The following VPS26C variants were observed in gnomAD, a reference collection of about 807,000 sequenced individuals.
The protein encoded by VPS26C is VPS26 endosomal protein sorting factor C.
In VPS26C, 19 loss-of-function variants were observed where a neutral mutation model predicts 30.6. The ratio of observed to expected loss-of-function variants is 0.62; its 90% CI spans 0.43 to 0.91. The LOEUF is 0.91. Ranked by LOEUF, VPS26C falls within the 40% of genes least tolerant of loss-of-function variation. The pLI is 0.00. For missense variants in VPS26C, 318 were observed against 385.1 expected (o/e 0.83, Z 1.46); for synonymous variants, 132 against 151.5 (o/e 0.87, Z 0.95).
intron 7 of VPS26C, 68 bp downstream of exon 7, chr21:37,227,586 C>T: frequency 6.4e-7 from 1 of 1,571,428 alleles, no homozygotes; most frequent in Non-Finnish European, 8.7e-7. Context: ...CTGTGACCCA[C>T]AGCAGGCCCT....
At chr21:37,235,724 C>T (rs1010603722) in intron 3 of VPS26C, among the ~76,000 whole-genome samples, 2 of 151,434 alleles carry the variant, frequency 1.3e-5, no homozygotes, top group South Asian at 2.1e-4. Flanking sequence ...CAAACATGAA[C>T]GCAACATGAC....
intron 1 of VPS26C, chr21:37,261,329 T>G (rs1464688335): frequency 6.6e-6 from 1 of 152,228 alleles, no homozygotes. Context: ...TTTAAGGTAT[T>G]GCTCAAGAAA....
At position 37,257,917 on chromosome 21, in the gene VPS26C, G is replaced by T. The variant is rs1049736354; in HGVS notation, c.57+9321C>A. Among the ~76,000 whole-genome samples, 26 of 152,226 alleles carry T rather than the reference G, an allele frequency of 1.7e-4. No individual in the cohort carries two copies. Among genetic ancestry groups the T allele is most frequent in the Non-Finnish European group, 3.1e-4 (21 of 68,038 alleles). On this transcript the variant is annotated intron_variant, in intron 1 of 7. Transcript: ENST00000309117. The surrounding 1 kb of genome is among the most constrained non-coding windows in gnomAD (Gnocchi z 4.2). ...GAGCGGGGCCACGAGGCAGGGGACA[G>T]TGAAGCACCATGCAGCGCCCACCAG... is the stretch of plus-strand genomic sequence containing the variant.
intron 1 of VPS26C, among the ~76,000 whole-genome samples, chr21:37,255,464 C>CT (rs1349518052): frequency 1.3e-5 from 2 of 152,224 alleles, no homozygotes; most frequent in African/African-American, 2.4e-5. Context: ...GCCAATGCTA[C>CT]TGGCCACCAG....
chr21:37,241,336 T>C (rs143574342), intron 1 of VPS26C, among the ~76,000 whole-genome samples: 3 of 152,316 alleles, frequency 2.0e-5, no homozygotes, highest in African/African-American at 7.2e-5. Flanking sequence ...TGTGCATTTA[T>C]CTGAAGATAA....
chr21:37,267,467 C>A (rs891005436), upstream of VPS26C: 101 of 572,740 alleles, frequency 1.8e-4, 2 homozygotes, highest in South Asian at 1.9e-3. Flanking sequence ...CGAATGCCCA[C>A]GCCTTCCTCC....
At chr21:37,252,937 T>G (rs1602282254) in intron 1 of VPS26C, among the ~76,000 whole-genome samples, 1 of 152,160 alleles carries the variant, frequency 6.6e-6, no homozygotes, top group East Asian at 1.9e-4. Context: ...TTGGGGGGTG[T>G]CAGATCTGTT....
Position 37,233,490 on chromosome 21 carries a change from T to C in VPS26C, c.352-48A>G, listed in dbSNP as rs1325869701. 1 of 1,378,366 alleles carries C rather than the reference T, an allele frequency of 7.3e-7. No individual in the cohort carries two copies. The highest frequency in any genetic ancestry group is 1.4e-5 in the African/African-American group (1 of 70,408). The allele number at this position is 1,378,366 out of a possible 1,614,324, so 85.4% of individuals were successfully genotyped here. On this transcript the variant is annotated intron_variant, in intron 3 of 7. Coordinates refer to ENST00000309117, the MANE Select transcript of VPS26C (RefSeq NM_006052.2). This position sits in a 1 kb window ranked among gnomAD's most constrained non-coding sequence, Gnocchi z 5.2. Reference sequence around the variant, plus strand: ...AAAAGTTCATTTTAGTGGGATTTGCTTTCATCTTGGAATTATATTCAAAGA... The same window carrying C: ...AAAAGTTCATTTTAGTGGGATTTGCCTTCATCTTGGAATTATATTCAAAGA...
At chr21:37,264,318 T>C (rs2086336640) in intron 1 of VPS26C, among the ~76,000 whole-genome samples, 1 of 152,222 alleles carries the variant, frequency 6.6e-6, no homozygotes, top group Non-Finnish European at 1.5e-5. Context: ...GCAGATGCTG[T>C]TCCTTATACT....
In VPS26C at chr21:37,267,219, ACC is replaced by A; in HGVS notation, c.57+17_57+18del. ...CCCGCCCAACCCCACCTCCATCCCCACCCCCAGCCCCCACTTACCCCGGCGTG... is the reference window on the plus strand; with the variant it reads ...CCCGCCCAACCCCACCTCCATCCCCACCCAGCCCCCACTTACCCCGGCGTG... On this transcript the variant is annotated intron_variant, in intron 1 of 7. Transcript: ENST00000309117. The A allele has an allele frequency of 8.9e-6, 2 of 225,514 alleles. No individual in the cohort carries two copies. Among genetic ancestry groups the A allele is most frequent in the Non-Finnish European group, 1.7e-5 (2 of 121,164 alleles). 14.0% of individuals were successfully genotyped at this position (225,514 alleles called of 1,614,324 possible). A position where few individuals can be genotyped will look rare whatever the true frequency, so the allele number is the denominator to read the frequency against.
intron 1 of VPS26C, among the ~76,000 whole-genome samples, chr21:37,249,270 CACT>C (rs1284761667): frequency 6.6e-6 from 1 of 152,112 alleles, no homozygotes; most frequent in Non-Finnish European, 1.5e-5. Context: ...GTAAAATGAT[CACT>C]ACTTGCACAA....
chr21:37,229,076 CATTT>C (rs2085935024), intron 5 of VPS26C: 1 of 151,916 alleles, frequency 6.6e-6, no homozygotes, highest in East Asian at 1.9e-4. Context: ...AAACCCAAGA[CATTT>C]ATTTTATTTC....
intron 1 of VPS26C, among the ~76,000 whole-genome samples, chr21:37,242,796 TCTAA>T (rs1162376890): frequency 6.6e-6 from 1 of 152,150 alleles, no homozygotes; most frequent in Non-Finnish European, 1.5e-5. Flanking sequence ...ATGGGCATAT[TCTAA>T]CTATGACATC....
intron 3 of VPS26C, among the ~76,000 whole-genome samples, chr21:37,236,378 G>C (rs1358648577): frequency 1.3e-5 from 2 of 152,170 alleles, no homozygotes; most frequent in East Asian, 3.8e-4. Flanking sequence ...ATGGATGGAT[G>C]ATGACAGATT....
intron 3 of VPS26C, among the ~76,000 whole-genome samples, chr21:37,235,870 TATATATATA>T (rs375771886): frequency 5.1e-4 from 65 of 126,822 alleles, no homozygotes; most frequent in African/African-American, 1.5e-3. Context: ...TATATATATA[TATATATATA>T]TTTTTTTTTT....
rs1013773006 is a variant in VPS26C, at chr21:37,257,330, G to A, written c.57+9908C>T. On this transcript the variant is annotated intron_variant, in intron 1 of 7. Coordinates refer to ENST00000309117, the MANE Select transcript of VPS26C (RefSeq NM_006052.2). This position sits in a 1 kb window ranked among gnomAD's most constrained non-coding sequence, Gnocchi z 4.2. Reference sequence around the variant, plus strand: ...AACAGGCAAGGTTCCCTCTGAGGCCGTAGCGGCTTCTCGTGGGCGAGTCCC... The same window carrying A: ...AACAGGCAAGGTTCCCTCTGAGGCCATAGCGGCTTCTCGTGGGCGAGTCCC... Among the ~76,000 whole-genome samples the A allele has an allele frequency of 6.6e-6, 1 of 152,158 alleles. No individual in the cohort carries two copies. The highest frequency in any genetic ancestry group is 1.5e-5 in the Non-Finnish European group (1 of 68,024).
chr21:37,266,867 G>C, intron 1 of VPS26C: 2 of 351,288 alleles, frequency 5.7e-6, no homozygotes, highest in South Asian at 5.8e-5. Context: ...GAGGGAAAGG[G>C]GAGTTTGGTC....
chr21:37,252,860 C>T (rs936099717), intron 1 of VPS26C, among the ~76,000 whole-genome samples: 8 of 152,104 alleles, frequency 5.3e-5, no homozygotes, highest in African/African-American at 7.2e-5. Flanking sequence ...ATGCCAGTTA[C>T]GTGACATTCT....
At chr21:37,241,193 C>T (rs1329465294) in intron 1 of VPS26C, among the ~76,000 whole-genome samples, 1 of 152,178 alleles carries the variant, frequency 6.6e-6, no homozygotes, top group Non-Finnish European at 1.5e-5. Flanking sequence ...TTATTGGTGC[C>T]ACCCACGAGG....
Sources: allele counts gnomAD v4.1 joint callset (sites outside exome capture counted in the v4.1 genomes callset), GRCh38; gene constraint gnomAD v4.1.1; non-coding constraint Gnocchi (gnomAD v3.1); transcripts MANE v1.5; gene names NCBI Gene and HGNC (gene_info 2026-07-23, HGNC 2026-07-21).